GLRA3: variants seen among roughly 807,000 people sequenced by gnomAD.
The protein encoded by GLRA3 is glycine receptor subunit alpha-3.
Under a neutral mutation model 60.4 loss-of-function variants are expected in GLRA3, and 44 were observed. The observed-to-expected ratio is 0.73, with a 90% confidence interval of 0.57 to 0.94. GLRA3 has a LOEUF of 0.94. Among genes scored for constraint, GLRA3 ranks in the 40% least tolerant of loss-of-function variants. The pLI, the probability that GLRA3 is intolerant of heterozygous loss-of-function variation, is 0.00. For missense variants in GLRA3, 508 were observed against 564.6 expected (o/e 0.90, Z 1.02); for synonymous variants, 223 against 192.9 (o/e 1.16, Z -1.29).
At chr4:174,652,355 AT>A (rs1231012337) in intron 9 of GLRA3, among the ~76,000 whole-genome samples, 2 of 152,114 alleles carry the variant, frequency 1.3e-5, no homozygotes, top group African/African-American at 4.8e-5. Context: ...GTGTTAGCCA[AT>A]ATTTAGTGGT....
intron 9 of GLRA3, among the ~76,000 whole-genome samples, chr4:174,650,477 T>C (rs987010785): frequency 2.6e-5 from 4 of 152,268 alleles, no homozygotes; most frequent in African/African-American, 9.6e-5. Context: ...GATTCTAGAC[T>C]AGAAAATCCT....
Position 174,642,036 on chromosome 4 carries a change from TTG to T in GLRA3, c.*1748_*1749del. 1 of 527,722 alleles carries T rather than the reference TTG, an allele frequency of 1.9e-6. No individual in the cohort carries two copies. The highest frequency in any genetic ancestry group is 8.3e-5 in the South Asian group (1 of 12,070). The allele number at this position is 527,722 out of a possible 1,614,324, so 32.7% of individuals were successfully genotyped here. A position where few individuals can be genotyped will look rare whatever the true frequency, so the allele number is the denominator to read the frequency against. On this transcript the variant is annotated 3_prime_UTR_variant, in exon 10 of 10. Transcript: ENST00000274093. ...CTTACAGAGTAACAAATTCTTTTGGTTGTGTCATTTGCACATAATGCCAAACA... is the reference window on the plus strand; with the variant it reads ...CTTACAGAGTAACAAATTCTTTTGGTTGTCATTTGCACATAATGCCAAACA...
rs192204891 is a variant in GLRA3 at position 174,690,394 on chromosome 4, A to G, written c.575-7455T>C. 1.0e-3 allele frequency among the ~76,000 whole-genome samples: 153 copies of G among 152,326 alleles called. 1 individual carries two copies. Among genetic ancestry groups the G allele is most frequent in the African/African-American group, 3.5e-3 (146 of 41,572 alleles). On this transcript the variant is annotated intron_variant, in intron 5 of 9. Transcript: ENST00000274093. ...ATTTAAATAACCTCAGGAATGGACA[A>G]TTTAGATGAATGGTTCAAAACAGAG... is the stretch of plus-strand genomic sequence containing the variant.
chr4:174,650,350 A>G (rs1579386897), intron 9 of GLRA3, among the ~76,000 whole-genome samples: 1 of 152,184 alleles, frequency 6.6e-6, no homozygotes, highest in Non-Finnish European at 1.5e-5. Context: ...GCAGTAGCCA[A>G]GCTGGTCCCT....
intron 5 of GLRA3, among the ~76,000 whole-genome samples, chr4:174,707,306 C>T (rs1337507765): frequency 6.6e-6 from 1 of 152,008 alleles, no homozygotes; most frequent in Non-Finnish European, 1.5e-5. Context: ...GAATTATGGA[C>T]TAAAACTAGT....
chr4:174,811,132 C>CACACAG (rs1393182246), intron 1 of GLRA3, among the ~76,000 whole-genome samples: 1 of 150,000 alleles, frequency 6.7e-6, no homozygotes, highest in South Asian at 2.1e-4. Flanking sequence ...TGCATGCACT[C>CACACAG]ACACAGACAC....
chr4:174,717,195 G>C (rs1484037610), intron 4 of GLRA3, among the ~76,000 whole-genome samples: 1 of 123,832 alleles, frequency 8.1e-6, no homozygotes, highest in Non-Finnish European at 1.6e-5. Context: ...CTGGGTGACA[G>C]AGCAAGATCT....
At chr4:174,825,355 A>G (rs1257908032) in intron 1 of GLRA3, among the ~76,000 whole-genome samples, 1 of 152,136 alleles carries the variant, frequency 6.6e-6, no homozygotes, top group Non-Finnish European at 1.5e-5. Context: ...CTGTGCTAAG[A>G]TATTTTACTA....
rs569365003 is a variant in GLRA3 at position 174,783,273 on chromosome 4, A to C, written c.199+5543T>G. Among the ~76,000 whole-genome samples, 694 of 144,478 alleles carry C rather than the reference A, an allele frequency of 4.8e-3. 15 individuals are homozygous for C. Among genetic ancestry groups the C allele is most frequent in the African/African-American group, 0.017 (666 of 39,380 alleles). The allele number at this position is 144,478 out of a possible 152,430, so 94.8% of individuals were successfully genotyped here. A position where few individuals can be genotyped will look rare whatever the true frequency, so the allele number is the denominator to read the frequency against. On this transcript the variant is annotated intron_variant, in intron 2 of 9. Transcript: ENST00000274093. ...GGAAAACTGGCTAGCCATATGTAGA[A>C]AGCTGAAACTGGAACCCTTCCTTAC...
intron 5 of GLRA3, among the ~76,000 whole-genome samples, chr4:174,701,209 C>T (rs1275151217): frequency 1.3e-5 from 2 of 152,110 alleles, no homozygotes; most frequent in African/African-American, 2.4e-5. Context: ...AAGTTGAAGC[C>T]AGTACTCATT....
chr4:174,723,797 G>A (rs1046845804), intron 4 of GLRA3, among the ~76,000 whole-genome samples: 2 of 151,950 alleles, frequency 1.3e-5, no homozygotes, highest in Admixed American at 6.6e-5. Context: ...ACAGAGGAGT[G>A]AAGAATCATG....
chr4:174,647,937 G>A (rs911128807), intron 9 of GLRA3, among the ~76,000 whole-genome samples: 2 of 152,094 alleles, frequency 1.3e-5, no homozygotes, highest in Non-Finnish European at 2.9e-5. Context: ...AAAGAAGCTG[G>A]GTCACTTTGC....
intron 1 of GLRA3, among the ~76,000 whole-genome samples, chr4:174,799,056 G>C (rs1739701257): frequency 6.6e-6 from 1 of 152,142 alleles, no homozygotes; most frequent in Non-Finnish European, 1.5e-5. Context: ...TTATTTTGAA[G>C]TGATCTAATT....
At chr4:174,755,591 T>C (rs1737660097) in intron 3 of GLRA3, among the ~76,000 whole-genome samples, 1 of 152,108 alleles carries the variant, frequency 6.6e-6, no homozygotes, top group Non-Finnish European at 1.5e-5. Context: ...TGGATTGATA[T>C]GAATTATAAG....
chr4:174,713,366 T>G (rs996845970), intron 5 of GLRA3, among the ~76,000 whole-genome samples: 3 of 152,186 alleles, frequency 2.0e-5, no homozygotes, highest in African/African-American at 4.8e-5. Context: ...AAGCTTTCCT[T>G]ATTCAAAACA....
intron 5 of GLRA3, chr4:174,713,556 T>C (rs927884455): frequency 2.0e-5 from 3 of 152,258 alleles, no homozygotes; most frequent in Admixed American, 2.0e-4. Flanking sequence ...ACATTTGTCT[T>C]CGTTAACAAT....
intron 2 of GLRA3, among the ~76,000 whole-genome samples, chr4:174,784,597 A>G (rs1201571319): frequency 5.3e-5 from 8 of 152,100 alleles, no homozygotes; most frequent in African/African-American, 1.7e-4. Context: ...ATTTCTATAC[A>G]TAACATTTCT....
At chr4:174,657,048 A>G (rs1051720400) in intron 8 of GLRA3, among the ~76,000 whole-genome samples, 1 of 152,172 alleles carries the variant, frequency 6.6e-6, no homozygotes, top group Non-Finnish European at 1.5e-5. Context: ...TCAGAAAATA[A>G]TAAGATATGA....
chr4:174,685,176 G>T (rs150610552), intron 5 of GLRA3, among the ~76,000 whole-genome samples: 10 of 152,200 alleles, frequency 6.6e-5, no homozygotes, highest in Non-Finnish European at 1.5e-4. Context: ...TGGTTAAGCT[G>T]AATAGAACAT....
Sources: gnomAD v4.1 joint callset for allele counts (sites outside exome capture counted in the v4.1 genomes callset) on GRCh38, gnomAD v4.1.1 for gene constraint, MANE v1.5 for transcripts, NCBI Gene and HGNC (gene_info 2026-07-23, HGNC 2026-07-21) for gene names.